Variants in MTMR10 observed in about 807,000 individuals in gnomAD.
MTMR10 encodes myotubularin related protein 10.
Under a neutral mutation model 88.1 loss-of-function variants are expected in MTMR10, and 56 were observed. The observed-to-expected ratio is 0.64, with a 90% confidence interval of 0.51 to 0.79. The LOEUF (loss-of-function observed/expected upper bound fraction) is 0.79, where lower values mean the gene tolerates loss of function less well. MTMR10 is among the 30% of genes least tolerant of loss of function. MTMR10 has a pLI of 0.00. For synonymous variants in MTMR10, 380 were observed against 340.9 expected, an observed-to-expected ratio of 1.11 and a Z score of -1.26; for missense variants, 883 against 924.7, an observed-to-expected ratio of 0.95 and a Z score of 0.58.
At chr15:30,955,162 C>T (rs2063304913) in intron 9 of MTMR10, among the ~76,000 whole-genome samples, 1 of 152,102 alleles carries the variant, frequency 6.6e-6, no homozygotes, top group African/African-American at 2.4e-5. Context: ...AACTTTGTTT[C>T]CCTCTTAGCA....
chr15:30,968,651 G>A (rs1044411096), intron 5 of MTMR10, among the ~76,000 whole-genome samples: 9 of 151,944 alleles, frequency 5.9e-5, no homozygotes, highest in African/African-American at 2.2e-4. Flanking sequence ...GAATCAAACA[G>A]ATCAGGGGGC....
At chr15:30,932,037 A>G in the MTMR10 span, among the ~76,000 whole-genome samples, 1 of 151,850 alleles carries the variant, frequency 6.6e-6, no homozygotes, top group Admixed American at 6.6e-5. Context: ...CCTGGCTAAC[A>G]TGGTGAAACC....
Position 30,988,081 on chromosome 15 carries a change from G to A in MTMR10, c.121+2696C>T, listed in dbSNP as rs531968528. ...TAGGTCTTTAGATCACCAATAGTTC[G>A]GTAACTTTCCACTTGTCTTCCAGAT... On this transcript the variant is annotated intron_variant, in intron 2 of 15. Transcript: ENST00000435680. 6.6e-5 allele frequency among the ~76,000 whole-genome samples: 10 copies of A among 152,220 alleles called. No individual in the cohort carries two copies. The South Asian group carries it at 1.2e-3, about 19-fold the overall frequency.
At chr15:30,920,752 GT>G in the MTMR10 span, 1 of 703,522 alleles carries the variant, frequency 1.4e-6, no homozygotes. Context: ...TGCTTATTTG[GT>G]TAGCACACAG....
In MTMR10 at chr15:30,975,443, C is replaced by T. The variant is rs537094192; in HGVS notation, c.259-440G>A. Among the ~76,000 whole-genome samples, 20 of 145,388 alleles carry T rather than the reference C, an allele frequency of 1.4e-4. No individual in the cohort carries two copies. In the South Asian group the frequency reaches 4.1e-3, roughly 30 times the overall value. ...AGGTTTTGCATGTTCAAACTAAGGA[C>T]GTAGTTAACACTATCAATCTGCTGT... On this transcript the variant is annotated intron_variant, in intron 3 of 15. Coordinates refer to ENST00000435680, the MANE Select transcript of MTMR10 (RefSeq NM_017762.3).
the MTMR10 span, chr15:30,925,787 A>AG: frequency 6.2e-7 from 1 of 1,613,910 alleles, no homozygotes; most frequent in Non-Finnish European, 8.5e-7. Flanking sequence ...CTGCTGTTTC[A>AG]GGTGACCATC....
downstream of MTMR10, among the ~76,000 whole-genome samples, chr15:30,935,888 T>TG (rs970169553): frequency 2.0e-5 from 3 of 152,110 alleles, no homozygotes; most frequent in Admixed American, 1.3e-4. Context: ...CTATATCCCC[T>TG]GATTATACAG....
At chr15:30,920,413 T>G in the MTMR10 span, 1 of 643,758 alleles carries the variant, frequency 1.6e-6, no homozygotes, top group Non-Finnish European at 2.7e-6. Context: ...TGTAGAAAAT[T>G]GTACACAACT....
intron 7 of MTMR10, among the ~76,000 whole-genome samples, chr15:30,959,821 T>C (rs1297210695): frequency 6.6e-6 from 1 of 152,210 alleles, no homozygotes; most frequent in Non-Finnish European, 1.5e-5. Context: ...TTCCTTTTTC[T>C]AAAAAGCTGC....
chr15:30,982,307 T>C (rs2030635314), intron 2 of MTMR10, among the ~76,000 whole-genome samples: 1 of 152,150 alleles, frequency 6.6e-6, no homozygotes. Context: ...AATAGTATTG[T>C]TGGTTTCTCA....
At chr15:30,925,798 A>C in the MTMR10 span, 1 of 1,614,158 alleles carries the variant, frequency 6.2e-7, no homozygotes, top group Non-Finnish European at 8.5e-7. Context: ...GGTGACCATC[A>C]CAGGCAGGCT....
At chr15:30,928,326 A>G in the MTMR10 span, 7 of 1,295,970 alleles carry the variant, frequency 5.4e-6, no homozygotes, top group Admixed American at 1.1e-4. Flanking sequence ...GAATTTTTCT[A>G]TGATTACTAA....
At chr15:30,965,790 C>A in intron 6 of MTMR10, 1 of 299,426 alleles carries the variant, frequency 3.3e-6, no homozygotes. Context: ...TGACTAAGGC[C>A]AGCTAAAATA....
intron 2 of MTMR10, among the ~76,000 whole-genome samples, chr15:30,982,677 C>A (rs531604205): frequency 1.8e-4 from 27 of 152,184 alleles, no homozygotes; most frequent in Non-Finnish European, 2.6e-4. Flanking sequence ...ACAATTGGGT[C>A]TTCCTATTAC....
At chr15:30,976,690 A>T in intron 3 of MTMR10, 129 bp downstream of exon 3, 2 of 1,064,322 alleles carry the variant, frequency 1.9e-6, no homozygotes, top group South Asian at 4.2e-5. Context: ...TCTTAATATA[A>T]TTTATCCCAA....
At position 30,939,389 on chromosome 15, in the gene MTMR10, AC is replaced by A; in HGVS notation, c.*2080del. ...CTAGTGCGCCCTGTGCAGCCACACCACTGCTGTCACCACATGTCCCTCTGAC... is the reference window on the plus strand; with the variant it reads ...CTAGTGCGCCCTGTGCAGCCACACCATGCTGTCACCACATGTCCCTCTGAC... On this transcript the variant is annotated 3_prime_UTR_variant, in exon 16 of 16. Coordinates refer to ENST00000435680, the MANE Select transcript of MTMR10 (RefSeq NM_017762.3). 1 of 985,430 alleles carries A rather than the reference AC, an allele frequency of 1.0e-6. No homozygotes were observed. The highest frequency in any genetic ancestry group is 4.7e-5 in the South Asian group (1 of 21,284). The allele number at this position is 985,430 out of a possible 1,614,324, so 61.0% of individuals were successfully genotyped here. A position where few individuals can be genotyped will look rare whatever the true frequency, so the allele number is the denominator to read the frequency against.
At chr15:30,925,833 G>A in the MTMR10 span, 63 of 1,614,128 alleles carry the variant, frequency 3.9e-5, no homozygotes, top group Non-Finnish European at 5.1e-5. Flanking sequence ...GGATGTGCAA[G>A]TCTGTGTTTG....
chr15:30,961,496 C>A (rs1474988017), intron 6 of MTMR10, among the ~76,000 whole-genome samples: 2 of 152,216 alleles, frequency 1.3e-5, no homozygotes, highest in African/African-American at 4.8e-5. Flanking sequence ...CTGCCTTGGC[C>A]TCCCAAAGTG....
intron 6 of MTMR10, 33 bp downstream of exon 6, chr15:30,967,887 A>C (rs1406034436): frequency 1.3e-6 from 2 of 1,484,642 alleles, no homozygotes; most frequent in East Asian, 5.0e-5. Flanking sequence ...CACATGTAAA[A>C]TTAGTCACAA....
Sources: gnomAD v4.1 joint callset for allele counts (sites outside exome capture counted in the v4.1 genomes callset) on GRCh38, gnomAD v4.1.1 for gene constraint, MANE v1.5 for transcripts, NCBI Gene and HGNC (gene_info 2026-07-23, HGNC 2026-07-21) for gene names.